Variants in SPATA3 observed in about 807,000 individuals in gnomAD.
SPATA3 encodes spermatogenesis associated 3.
In SPATA3, 6 loss-of-function variants were observed where a neutral mutation model predicts 5.7. The ratio of observed to expected loss-of-function variants is 1.06; its 90% CI spans 0.58 to 2.09. The LOEUF (loss-of-function observed/expected upper bound fraction) is 2.09, where lower values mean the gene tolerates loss of function less well. Among genes scored for constraint, SPATA3 ranks in the 30% most tolerant of loss-of-function variants. SPATA3 has a pLI of 0.00. For missense variants in SPATA3, 155 were observed against 130.4 expected (o/e 1.19, Z -0.92); for synonymous variants, 44 against 48.4 (o/e 0.91, Z 0.37).
At chr2:230,998,613 A>G (rs1056891585) in intron 1 of SPATA3, among the ~76,000 whole-genome samples, 2 of 152,258 alleles carry the variant, frequency 1.3e-5, no homozygotes, top group Non-Finnish European at 2.9e-5. Flanking sequence ...GAGGGCCTGC[A>G]AGTAAAGCGT....
At chr2:231,001,045 C>T (rs1372642445) in intron 2 of SPATA3, among the ~76,000 whole-genome samples, 1 of 152,230 alleles carries the variant, frequency 6.6e-6, no homozygotes, top group Non-Finnish European at 1.5e-5. Flanking sequence ...AGCAAGACGT[C>T]AGCCCCCTTC....
downstream of SPATA3, among the ~76,000 whole-genome samples, chr2:231,011,658 A>G (rs1413667742): frequency 1.4e-5 from 2 of 144,380 alleles, no homozygotes; most frequent in Non-Finnish European, 3.0e-5. Context: ...CCGCAGTCAC[A>G]GAGTAAGTAA....
At chr2:231,005,370 TCACCACCATCAC>T (rs1692560213), downstream of SPATA3, among the ~76,000 whole-genome samples, 2 of 36,866 alleles carry the variant, frequency 5.4e-5, no homozygotes, top group African/African-American at 1.0e-4. Flanking sequence ...ACCACCATCA[TCACCACCATCAC>T]CACCACCATC....
chr2:231,001,345 G>A (rs1469926442), intron 2 of SPATA3, among the ~76,000 whole-genome samples: 1 of 152,136 alleles, frequency 6.6e-6, no homozygotes, highest in African/African-American at 2.4e-5. Context: ...CTCAATGGAA[G>A]AGGCCCTTCC....
intron 1 of SPATA3, among the ~76,000 whole-genome samples, chr2:230,999,404 T>A (rs186948191): frequency 3.8e-4 from 58 of 152,244 alleles, no homozygotes; most frequent in Admixed American, 1.0e-3. Flanking sequence ...ATTTAAAAAC[T>A]TTTTTGTAAT....
chr2:231,018,073 C>CCT (rs1692976449), intron 6 of SPATA3, among the ~76,000 whole-genome samples: 3 of 151,876 alleles, frequency 2.0e-5, no homozygotes, highest in African/African-American at 7.3e-5. Context: ...TACAGGAGCA[C>CCT]ACCACCCCGC....
chr2:231,000,882 T>C (rs1041622150), intron 2 of SPATA3, among the ~76,000 whole-genome samples: 6 of 152,234 alleles, frequency 3.9e-5, no homozygotes, highest in African/African-American at 1.4e-4. Context: ...CTCAGGAGCT[T>C]TGTGTTTAAA....
In SPATA3 at chr2:231,015,660, G is replaced by A. The variant is rs145957024; in HGVS notation, c.*565+1448G>A. On this transcript the variant is annotated intron_variant, in intron 6 of 8. Transcript: ENST00000452881. ...AGAGGAGAAGTGACTCAACACACAC[G>A]TCCCAGACCCTCTGGGCCCCTAGGC... Among the ~76,000 whole-genome samples, 224 of 152,282 alleles carry A rather than the reference G, an allele frequency of 1.5e-3. 1 individual carries two copies. Among genetic ancestry groups the A allele is most frequent in the African/African-American group, 4.2e-3 (173 of 41,558 alleles).
chr2:230,998,489 CA>C (rs1276966639), intron 1 of SPATA3, among the ~76,000 whole-genome samples: 1 of 152,174 alleles, frequency 6.6e-6, no homozygotes, highest in African/African-American at 2.4e-5. Context: ...GCCCATTGAA[CA>C]GGCAAAGCAA....
downstream of SPATA3, among the ~76,000 whole-genome samples, chr2:231,005,376 C>G (rs1274433002): frequency 2.8e-5 from 2 of 72,558 alleles, no homozygotes; most frequent in African/African-American, 1.0e-4. Context: ...ATCATCACCA[C>G]CATCACCACC....
chr2:230,996,534 G>C, intron 1 of SPATA3: 1 of 1,551,600 alleles, frequency 6.4e-7, no homozygotes, highest in Admixed American at 2.0e-5. Context: ...CAGGAAAGCA[G>C]GTGGGCTGTC....
chr2:231,009,841 GGGAT>G (rs1357373184), downstream of SPATA3, among the ~76,000 whole-genome samples: 2 of 152,250 alleles, frequency 1.3e-5, no homozygotes, highest in African/African-American at 4.8e-5. Flanking sequence ...GGAGCACTTT[GGGAT>G]ACATTAAGAT....
intron 2 of SPATA3, among the ~76,000 whole-genome samples, chr2:231,001,974 A>G (rs929135538): frequency 3.9e-5 from 6 of 152,320 alleles, no homozygotes; most frequent in Middle Eastern, 3.4e-3. Flanking sequence ...CTGGCTTAAG[A>G]TGAAAAGCGG....
At chr2:231,009,612 G>A (rs1044129774), downstream of SPATA3, among the ~76,000 whole-genome samples, 6 of 152,198 alleles carry the variant, frequency 3.9e-5, no homozygotes, top group Middle Eastern at 3.2e-3. Flanking sequence ...TGTGGCTCAC[G>A]TTGCCTGTCG....
chr2:230,996,347 G>A, intron 1 of SPATA3: 1 of 1,529,694 alleles, frequency 6.5e-7, no homozygotes, highest in Non-Finnish European at 8.8e-7. Flanking sequence ...CCACACCACA[G>A]CAGCCTAGTC....
downstream of SPATA3, among the ~76,000 whole-genome samples, chr2:231,005,469 C>CCAT (rs1692573107): frequency 6.1e-5 from 5 of 82,516 alleles, no homozygotes; most frequent in Admixed American, 1.2e-4. Context: ...ACCACCACCA[C>CCAT]CATCATCACC....
At chr2:231,009,429 G>A (rs184040221), downstream of SPATA3, among the ~76,000 whole-genome samples, 50 of 152,312 alleles carry the variant, frequency 3.3e-4, no homozygotes, top group East Asian at 6.6e-3. Context: ...TGTGTGGGGC[G>A]CTGCTGGTTG....
chr2:231,008,850 C>T, downstream of SPATA3, among the ~76,000 whole-genome samples: 1 of 152,208 alleles, frequency 6.6e-6, no homozygotes, highest in East Asian at 1.9e-4. Context: ...GGGGCACAGG[C>T]CATTTCCCTC....
intron 2 of SPATA3, among the ~76,000 whole-genome samples, chr2:231,002,111 G>A (rs999044824): frequency 1.3e-5 from 2 of 152,144 alleles, no homozygotes; most frequent in Non-Finnish European, 2.9e-5. Flanking sequence ...TTTTAGCACT[G>A]GCATGCTTTT....
Sources: gnomAD v4.1 joint callset for allele counts (sites outside exome capture counted in the v4.1 genomes callset) on GRCh38, gnomAD v4.1.1 for gene constraint, MANE v1.5 for transcripts, NCBI Gene and HGNC (gene_info 2026-07-23, HGNC 2026-07-21) for gene names.